Variants in MAN1C1 observed in about 807,000 individuals in gnomAD.
MAN1C1 encodes mannosyl-oligosaccharide 1,2-alpha-mannosidase IC.
A neutral mutation model predicts 71.5 loss-of-function variants in MAN1C1; 49 were observed. The ratio of observed to expected loss-of-function variants is 0.69; its 90% CI spans 0.54 to 0.87. The LOEUF (loss-of-function observed/expected upper bound fraction) is 0.87. Among genes scored for constraint, MAN1C1 ranks in the 40% least tolerant of loss-of-function variants. The probability of loss-of-function intolerance (pLI) is 0.00; values close to 1 mark genes in which losing one functional copy is unlikely to be tolerated. For synonymous variants in MAN1C1, 352 were observed against 343.7 expected (o/e 1.02, Z -0.27); for missense variants, 743 against 835.0 (o/e 0.89, Z 1.36).
At chr1:25,683,856 G>A (rs2046190692) in intron 1 of MAN1C1, among the ~76,000 whole-genome samples, 1 of 152,208 alleles carries the variant, frequency 6.6e-6, no homozygotes, top group East Asian at 1.9e-4. Context: ...CGGGAGGCAC[G>A]TGTGCATTGA....
intron 1 of MAN1C1, among the ~76,000 whole-genome samples, chr1:25,670,640 G>A (rs1193444257): frequency 7.2e-5 from 11 of 152,218 alleles, no homozygotes; most frequent in Admixed American, 6.5e-4. Flanking sequence ...GGTCTATGTC[G>A]TGTTGGTTCA....
intron 6 of MAN1C1, chr1:25,759,035 A>C: frequency 3.6e-6 from 1 of 274,662 alleles, no homozygotes. Flanking sequence ...TGCAACTGAA[A>C]TCTAGGCACC....
At chr1:25,702,240 G>A (rs903271991) in intron 2 of MAN1C1, among the ~76,000 whole-genome samples, 2 of 152,186 alleles carry the variant, frequency 1.3e-5, no homozygotes, top group African/African-American at 2.4e-5. Flanking sequence ...AGGGCAAGCC[G>A]CTTCTCATTC....
chr1:25,689,353 T>C (rs987126783), intron 2 of MAN1C1, among the ~76,000 whole-genome samples: 1 of 152,112 alleles, frequency 6.6e-6, no homozygotes, highest in Admixed American at 6.5e-5. Context: ...TACGTCCTGG[T>C]TGTGTGACCT....
At chr1:25,726,756 T>G (rs1275195704) in intron 2 of MAN1C1, among the ~76,000 whole-genome samples, 1 of 151,986 alleles carries the variant, frequency 6.6e-6, no homozygotes, top group Non-Finnish European at 1.5e-5. Context: ...TTATGAAGAT[T>G]AAGAGTATAA....
intron 1 of MAN1C1, among the ~76,000 whole-genome samples, chr1:25,641,347 T>G (rs550216740): frequency 4.6e-5 from 7 of 152,214 alleles, no homozygotes; most frequent in South Asian, 2.1e-4. Context: ...TTGTGATGCC[T>G]AGACTTAAAC....
chr1:25,685,056 G>A (rs1384104502), intron 1 of MAN1C1, among the ~76,000 whole-genome samples: 1 of 152,202 alleles, frequency 6.6e-6, no homozygotes, highest in Non-Finnish European at 1.5e-5. Context: ...AAGGAGGGGT[G>A]GATAGATGAG....
chr1:25,756,914 G>T (rs1289435707), intron 5 of MAN1C1, among the ~76,000 whole-genome samples: 1 of 152,104 alleles, frequency 6.6e-6, no homozygotes, highest in Non-Finnish European at 1.5e-5. Context: ...TTCAGATCAG[G>T]AGCCAAGTTT....
At position 25,709,040 on chromosome 1, in the gene MAN1C1, G is replaced by A. The variant is rs919973296; in HGVS notation, c.637+22504G>A. Among the ~76,000 whole-genome samples the A allele has an allele frequency of 2.6e-4, 40 of 152,288 alleles. No individual in the cohort carries two copies. In the East Asian group the frequency reaches 2.7e-3, roughly 10 times the overall value. The stretch of plus-strand genomic sequence containing the variant: ...ACATCTGCAGGGATGAGACACAGCC[G>A]ATGCCCACCGCCATGCAGAAGCCTA... On this transcript the variant is annotated intron_variant, in intron 2 of 11. Transcript: ENST00000374332.
chr1:25,705,968 A>G (rs1275744211), intron 2 of MAN1C1, among the ~76,000 whole-genome samples: 3 of 152,238 alleles, frequency 2.0e-5, no homozygotes, highest in Non-Finnish European at 2.9e-5. Flanking sequence ...TAAATAATCT[A>G]TTGAATCTTA....
chr1:25,676,351 G>A (rs139025673), intron 1 of MAN1C1, among the ~76,000 whole-genome samples: 1,996 of 152,098 alleles, frequency 0.013, 39 homozygotes, highest in African/African-American at 0.045. Context: ...TCACCTCCCC[G>A]GGCAACCAAA....
At chr1:25,644,050 C>T (rs72662648) in intron 1 of MAN1C1, among the ~76,000 whole-genome samples, 2,273 of 152,264 alleles carry the variant, frequency 0.015, 28 homozygotes, top group Non-Finnish European at 0.021. Flanking sequence ...TACTGTGTGC[C>T]AGGCAATGCC....
chr1:25,625,917 T>G (rs977001294), intron 1 of MAN1C1, among the ~76,000 whole-genome samples: 8 of 152,254 alleles, frequency 5.3e-5, no homozygotes, highest in African/African-American at 1.9e-4. Context: ...TTGATCCATA[T>G]TGTGCGTATC....
intron 1 of MAN1C1, among the ~76,000 whole-genome samples, chr1:25,642,911 T>C (rs1419702424): frequency 1.3e-5 from 2 of 152,150 alleles, no homozygotes; most frequent in Middle Eastern, 3.2e-3. Flanking sequence ...ATTGTTTGTA[T>C]ATTGGTTTTC....
intron 2 of MAN1C1, among the ~76,000 whole-genome samples, chr1:25,717,872 C>T (rs113736458): frequency 7.3e-4 from 111 of 152,252 alleles, no homozygotes; most frequent in African/African-American, 2.6e-3. Context: ...CCCCATTTTC[C>T]GTTCTTACCA....
At position 25,656,392 on chromosome 1, in the gene MAN1C1, C is replaced by T. The variant is rs537167967; in HGVS notation, c.541-30048C>T. The stretch of plus-strand genomic sequence containing the variant: ...AAATTACAGGCATCAGTCACTGCGC[C>T]GGGCCTATAATGTACTTTTAAAGAC... On this transcript the variant is annotated intron_variant, in intron 1 of 11. Transcript: ENST00000374332. 4.6e-5 allele frequency among the ~76,000 whole-genome samples: 7 copies of T among 152,186 alleles called. No individual in the cohort carries two copies. The East Asian group carries it at 7.7e-4, about 17-fold the overall frequency.
At chr1:25,745,580 T>C (rs1347035663) in intron 2 of MAN1C1, among the ~76,000 whole-genome samples, 1 of 152,152 alleles carries the variant, frequency 6.6e-6, no homozygotes, top group African/African-American at 2.4e-5. Context: ...CCCAGGTAAA[T>C]AGGCACAGGT....
chr1:25,674,358 A>G lies in MAN1C1; in HGVS notation c.541-12082A>G, dbSNP rs114351747. ...CCATCCTTAGTCATTTAATCAACAT[A>G]TTTTTATGGAAAGTCTCTATGTGCT... On this transcript the variant is annotated intron_variant, in intron 1 of 11. Transcript: ENST00000374332. 9.1e-4 allele frequency among the ~76,000 whole-genome samples: 138 copies of G among 152,240 alleles called. 2 individuals carry two copies. In the South Asian group the frequency reaches 0.015, roughly 17 times the overall value.
chr1:25,698,847 G>C (rs1056699452), intron 2 of MAN1C1, among the ~76,000 whole-genome samples: 6 of 151,996 alleles, frequency 3.9e-5, no homozygotes, highest in Admixed American at 6.6e-5. Context: ...TACTTGGGAG[G>C]CTAGGCAGGA....
Sources: allele counts gnomAD v4.1 joint callset (sites outside exome capture counted in the v4.1 genomes callset), GRCh38; gene constraint gnomAD v4.1.1; transcripts MANE v1.5; gene names NCBI Gene and HGNC (gene_info 2026-07-23, HGNC 2026-07-21).